IL2RB: variants seen among roughly 807,000 people sequenced by gnomAD.
IL2RB encodes interleukin 2 receptor subunit beta.
In IL2RB, 17 loss-of-function variants were observed where a neutral mutation model predicts 44.2. That is an observed-to-expected ratio of 0.38 (90% CI 0.26 to 0.58). IL2RB has a LOEUF of 0.58. IL2RB is among the 20% of genes least tolerant of loss of function. The pLI, the probability that IL2RB is intolerant of heterozygous loss-of-function variation, is 0.63. For missense variants in IL2RB, 624 were observed against 685.5 expected (o/e 0.91, Z 1.00); for synonymous variants, 286 against 297.9 (o/e 0.96, Z 0.41).
intron 1 of IL2RB, among the ~76,000 whole-genome samples, chr22:37,171,182 C>T (rs1923272230): frequency 2.0e-5 from 3 of 152,154 alleles, no homozygotes; most frequent in Admixed American, 1.3e-4. Context: ...AGGGTTTCAC[C>T]ATGCTGGCCA....
intron 1 of IL2RB, among the ~76,000 whole-genome samples, chr22:37,174,752 T>C (rs1923398182): frequency 6.6e-6 from 1 of 152,196 alleles, no homozygotes; most frequent in Non-Finnish European, 1.5e-5. Context: ...AGCGATTGGC[T>C]GCACACTGGC....
At chr22:37,134,091 G>A (rs1921567054) in intron 8 of IL2RB, among the ~76,000 whole-genome samples, 1 of 151,814 alleles carries the variant, frequency 6.6e-6, no homozygotes, top group Non-Finnish European at 1.5e-5. Flanking sequence ...CGTGGGTTCT[G>A]CACTCACGGA....
At chr22:37,161,937 A>G (rs1269735484) in intron 1 of IL2RB, 1 of 152,226 alleles carries the variant, frequency 6.6e-6, no homozygotes, top group African/African-American at 2.4e-5. Context: ...CAATTCTCCA[A>G]GCCTCTCCAA....
At chr22:37,130,896 G>A (rs1263018177) in intron 9 of IL2RB, among the ~76,000 whole-genome samples, 2 of 152,366 alleles carry the variant, frequency 1.3e-5, no homozygotes, top group East Asian at 3.9e-4. Context: ...GCCAGGCACG[G>A]TGGCGCACGC....
chr22:37,128,789 C>A lies in IL2RB; in HGVS notation c.963G>T (p.Glu321Asp). The change falls in exon 10 of 10, where the codon GAG (glutamate) becomes GAT (aspartate). Residue 321 changes from glutamate (E) to aspartate (D), a missense_variant. This residue lies in a region of IL2RB where 255 missense variants were observed against 339.9 expected (regional missense o/e 0.75). Transcript: ENST00000216223. The surrounding 1 kb of genome is among the most constrained non-coding windows in gnomAD (Gnocchi z 4.5). Reference protein sequence around the residue: ...SSFSPGGLAPEISPLEVLERD... With the variant: ...SSFSPGGLAPDISPLEVLERD... ...TCTCCAGCACTTCTAGTGGCGAGATCTCAGGTGCCAGGCCGCCAGGGCTGA... is the reference window on the plus strand; with the variant it reads ...TCTCCAGCACTTCTAGTGGCGAGATATCAGGTGCCAGGCCGCCAGGGCTGA... The A allele has an allele frequency of 6.2e-7, 1 of 1,613,528 alleles. No homozygotes were observed. Among genetic ancestry groups the A allele is most frequent in the Non-Finnish European group, 8.5e-7 (1 of 1,179,510 alleles).
upstream of IL2RB, among the ~76,000 whole-genome samples, chr22:37,154,828 C>G (rs888952704): frequency 2.0e-5 from 3 of 152,044 alleles, no homozygotes; most frequent in African/African-American, 7.2e-5. Context: ...CCTGCCTTGG[C>G]CTCCCTAAGT....
rs41309804 is a variant in IL2RB at position 37,127,445 on chromosome 22, C to A, written c.*651G>T. The stretch of plus-strand genomic sequence containing the variant: ...AGTTTGTCACCTAGATGAGGGGGAG[C>A]GCACAGCAGCCCCAGGGAATAGCAT... On this transcript the variant is annotated 3_prime_UTR_variant, in exon 10 of 10. Transcript: ENST00000216223. 1 of 152,194 alleles carries A rather than the reference C, an allele frequency of 6.6e-6. No individual in the cohort carries two copies. Among genetic ancestry groups the A allele is most frequent in the Non-Finnish European group, 1.5e-5 (1 of 68,094 alleles). 9.4% of individuals were successfully genotyped at this position (152,194 alleles called of 1,614,324 possible).
chr22:37,128,466 A>G lies in IL2RB; in HGVS notation c.1286T>C (p.Leu429Pro). The G allele has an allele frequency of 6.3e-7, 1 of 1,580,390 alleles. No individual in the cohort carries two copies. The highest frequency in any genetic ancestry group is 8.6e-7 in the Non-Finnish European group (1 of 1,159,820). Residue 429 changes from leucine to proline, a missense_variant, in exon 10 of 10, where the codon CTC becomes CCC. Leu to Pro is a moderately conservative substitution (Grantham distance 98). This residue lies in a region of IL2RB where 291 missense variants were observed against 275.5 expected (regional missense o/e 1.06). Coordinates refer to ENST00000216223, the MANE Select transcript of IL2RB (RefSeq NM_000878.5). This position sits in a 1 kb window ranked among gnomAD's most constrained non-coding sequence, Gnocchi z 4.5. ...GCCACCGAGGAGACTGGGGGAGAAGAGCAGCAGGTCATCCCTGGAGGGGAA... is the reference window on the plus strand; with the variant it reads ...GCCACCGAGGAGACTGGGGGAGAAGGGCAGCAGGTCATCCCTGGAGGGGAA... Reference protein sequence around the residue: ...CTFPSRDDLLLFSPSLLGGPS... With the variant: ...CTFPSRDDLLPFSPSLLGGPS...
rs3218318 is a variant in IL2RB at position 37,132,536 on chromosome 22, A to G, written c.819-68T>C. The G allele has an allele frequency of 0.34, 386,196 of 1,144,418 alleles. 69,090 individuals carry two copies. Among genetic ancestry groups the G allele is most frequent in the East Asian group, 0.62 (25,377 of 41,218 alleles). 70.9% of individuals were successfully genotyped at this position (1,144,418 alleles called of 1,614,324 possible). A position where few individuals can be genotyped will look rare whatever the true frequency, so the allele number is the denominator to read the frequency against. ...AGGACCGCGGTGTTATGCCATCGGC[A>G]CCACAGCTCTGGATGCCAGGCACGG... is the stretch of plus-strand genomic sequence containing the variant. On this transcript the variant is annotated intron_variant, in intron 8 of 9. Transcript: ENST00000216223.
In IL2RB at chr22:37,125,940, T is replaced by C. The variant is rs183158957; in HGVS notation, c.*2156A>G. 1 of 152,334 alleles carries C rather than the reference T, an allele frequency of 6.6e-6. No homozygotes were observed. Among genetic ancestry groups the C allele is most frequent in the Non-Finnish European group, 1.5e-5 (1 of 68,032 alleles). 9.4% of individuals were successfully genotyped at this position (152,334 alleles called of 1,614,324 possible). A position where few individuals can be genotyped will look rare whatever the true frequency, so the allele number is the denominator to read the frequency against. The stretch of plus-strand genomic sequence containing the variant: ...AAAGATTTTTCTTTAAATAAATGTA[T>C]TTCAACGAAAATGAACTGACTTAAA... On this transcript the variant is annotated 3_prime_UTR_variant, in exon 10 of 10. Coordinates refer to ENST00000216223, the MANE Select transcript of IL2RB (RefSeq NM_000878.5).
chr22:37,155,284 A>G (rs957016598), intron 1 of IL2RB, among the ~76,000 whole-genome samples: 1 of 152,148 alleles, frequency 6.6e-6, no homozygotes, highest in African/African-American at 2.4e-5. Flanking sequence ...CCCTGTTTCT[A>G]TTAATACTCC....
At chr22:37,130,635 TG>T (rs748084440) in intron 9 of IL2RB, among the ~76,000 whole-genome samples, 32 of 152,306 alleles carry the variant, frequency 2.1e-4, no homozygotes, top group African/African-American at 6.5e-4. Flanking sequence ...GAAGCTGGAA[TG>T]GTTTGCAGCT....
intron 1 of IL2RB, among the ~76,000 whole-genome samples, chr22:37,159,621 A>G (rs533397137): frequency 6.6e-6 from 1 of 152,328 alleles, no homozygotes; most frequent in East Asian, 1.9e-4. Flanking sequence ...TACCACTTCA[A>G]GAATCTAAAC....
chr22:37,171,077 G>A (rs996169545), intron 1 of IL2RB, among the ~76,000 whole-genome samples: 5 of 152,050 alleles, frequency 3.3e-5, no homozygotes, highest in South Asian at 2.1e-4. Context: ...TCTGCCTCCC[G>A]GGTTCAAGCA....
intron 1 of IL2RB, among the ~76,000 whole-genome samples, chr22:37,167,503 C>T (rs1216421159): frequency 6.6e-6 from 1 of 152,266 alleles, no homozygotes; most frequent in Non-Finnish European, 1.5e-5. Flanking sequence ...TGCGGCCTCT[C>T]TGGCTTCTTC....
chr22:37,161,542 C>T (rs1922873245), intron 1 of IL2RB, among the ~76,000 whole-genome samples: 1 of 151,882 alleles, frequency 6.6e-6, no homozygotes, highest in Non-Finnish European at 1.5e-5. Context: ...GGAAAGTGAG[C>T]ATGTGACCAG....
chr22:37,165,293 C>T (rs551613071), intron 1 of IL2RB, among the ~76,000 whole-genome samples: 3 of 152,344 alleles, frequency 2.0e-5, no homozygotes, highest in East Asian at 1.9e-4. Context: ...TATGGCTGGC[C>T]GCATCTGTGC....
Position 37,126,092 on chromosome 22 carries a change from C to T in IL2RB, c.*2004G>A, listed in dbSNP as rs952466975. 2.6e-5 allele frequency: 4 copies of T among 152,342 alleles called. No individual in the cohort carries two copies. Among genetic ancestry groups the T allele is most frequent in the Admixed American group, 2.0e-4 (3 of 15,308 alleles). The allele number at this position is 152,342 out of a possible 1,614,324, so 9.4% of individuals were successfully genotyped here. On this transcript the variant is annotated 3_prime_UTR_variant, in exon 10 of 10. Transcript: ENST00000216223. ...TGTAACCCTCCCAAGAAGTGGGAGC[C>T]TCCCAAAGTGGAGAAGGCAAATACA...
At chr22:37,155,713 G>A (rs945226022) in intron 1 of IL2RB, among the ~76,000 whole-genome samples, 1 of 152,106 alleles carries the variant, frequency 6.6e-6, no homozygotes, top group Non-Finnish European at 1.5e-5. Context: ...AGCCCACTCG[G>A]GCCTACCCAG....
Sources: allele counts gnomAD v4.1 joint callset (sites outside exome capture counted in the v4.1 genomes callset), GRCh38; gene constraint gnomAD v4.1.1; regional missense constraint gnomAD v4.1.1; non-coding constraint Gnocchi (gnomAD v3.1); transcripts MANE v1.5; gene names NCBI Gene and HGNC (gene_info 2026-07-23, HGNC 2026-07-21).